RSPH1: variants seen among roughly 807,000 people sequenced by gnomAD.
The protein encoded by RSPH1 is radial spoke head component 1, also known as radial spoke head 1 homolog.
A neutral mutation model predicts 44.2 loss-of-function variants in RSPH1; 32 were observed. The observed-to-expected ratio is 0.72, with a 90% CI of 0.55 to 0.97. The LOEUF (loss-of-function observed/expected upper bound fraction) is 0.97, where lower values mean the gene tolerates loss of function less well. Among genes scored for constraint, RSPH1 ranks in the 50% least tolerant of loss-of-function variants. The pLI, the probability that RSPH1 is intolerant of heterozygous loss-of-function variation, is 0.00. For synonymous variants in RSPH1, 134 were observed against 147.3 expected (o/e 0.91, Z 0.65); for missense variants, 391 against 398.7 (o/e 0.98, Z 0.16).
intron 8 of RSPH1, 112 bp downstream of exon 8, chr21:42,475,786 C>G: frequency 1.6e-6 from 2 of 1,258,068 alleles, no homozygotes; most frequent in South Asian, 1.5e-5. Flanking sequence ...AAGCCTTCCT[C>G]GAGTCCCTGG....
chr21:42,492,384 G>A (rs1476202224), intron 3 of RSPH1, among the ~76,000 whole-genome samples: 3 of 152,220 alleles, frequency 2.0e-5, no homozygotes, highest in Non-Finnish European at 2.9e-5. Context: ...GTCAGATGGC[G>A]GGGTTGGTCA....
chr21:42,480,640 CA>C (rs780506820), intron 6 of RSPH1, among the ~76,000 whole-genome samples: 3,395 of 38,624 alleles, frequency 0.088, 36 homozygotes, highest in African/African-American at 0.29. Context: ...AACTCCATCT[CA>C]AAAAAAAAAA....
intron 4 of RSPH1, 140 bp from the exon 5 acceptor site, chr21:42,485,944 G>T (rs964193630): frequency 4.7e-6 from 5 of 1,054,344 alleles, no homozygotes; most frequent in African/African-American, 4.7e-5. Flanking sequence ...TCTGTGTCCA[G>T]TCAGAAGGTG....
chr21:42,483,197 C>A (rs1204946276), intron 5 of RSPH1, among the ~76,000 whole-genome samples: 1 of 151,612 alleles, frequency 6.6e-6, no homozygotes, highest in Non-Finnish European at 1.5e-5. Flanking sequence ...GGATTGCAAC[C>A]TATTTTACTC....
intron 6 of RSPH1, 138 bp downstream of exon 6, chr21:42,482,499 T>C: frequency 1.6e-6 from 1 of 619,946 alleles, no homozygotes; most frequent in Non-Finnish European, 2.9e-6. Flanking sequence ...CACATGCAGA[T>C]AAGGAAAATG....
At chr21:42,477,650 G>C (rs923353556) in intron 6 of RSPH1, among the ~76,000 whole-genome samples, 19 of 152,170 alleles carry the variant, frequency 1.2e-4, no homozygotes, top group African/African-American at 4.1e-4. Context: ...AAGAGCCAGG[G>C]TGAGGAATAA....
In RSPH1 at chr21:42,477,463, T is replaced by G. The variant is rs781423375; in HGVS notation, c.574-19A>C. Reference sequence around the variant, plus strand: ...CTCTTTCCTATTTTAAGTGCAAAAATGTACATTTACCAACATTTGTGTCAT... The same window carrying G: ...CTCTTTCCTATTTTAAGTGCAAAAAGGTACATTTACCAACATTTGTGTCAT... On this transcript the variant is annotated intron_variant, in intron 6 of 8. Coordinates refer to ENST00000291536, the MANE Select transcript of RSPH1 (RefSeq NM_080860.4). The G allele has an allele frequency of 1.9e-5, 31 of 1,612,344 alleles. No individual in the cohort carries two copies. In the South Asian group the frequency reaches 3.2e-4, roughly 17 times the overall value.
chr21:42,487,713 G>A (rs1303024916), intron 3 of RSPH1, among the ~76,000 whole-genome samples: 1 of 151,780 alleles, frequency 6.6e-6, no homozygotes, highest in African/African-American at 2.4e-5. Flanking sequence ...TAAGCTTCTG[G>A]CTTACACAAA....
At chr21:42,484,401 T>C (rs1007491752) in intron 5 of RSPH1, among the ~76,000 whole-genome samples, 1 of 152,206 alleles carries the variant, frequency 6.6e-6, no homozygotes, top group African/African-American at 2.4e-5. Flanking sequence ...GTCCCAAATG[T>C]GCAAAATGAC....
At chr21:42,491,641 C>A (rs1258552798) in intron 3 of RSPH1, among the ~76,000 whole-genome samples, 1 of 152,092 alleles carries the variant, frequency 6.6e-6, no homozygotes, top group Non-Finnish European at 1.5e-5. Context: ...TGAAACAAAA[C>A]AAAACAATTT....
intron 6 of RSPH1, among the ~76,000 whole-genome samples, chr21:42,478,050 G>C (rs1366567631): frequency 6.6e-6 from 1 of 152,202 alleles, no homozygotes; most frequent in African/African-American, 2.4e-5. Flanking sequence ...TTCAAGGAAA[G>C]CAGAATGAGA....
Position 42,477,569 on chromosome 21 carries a change from G to C in RSPH1, c.574-125C>G, listed in dbSNP as rs2054081633. Reference sequence around the variant, plus strand: ...TTGGCTTGTGTTTCAGCCTTTTTAGGACGTCACTCAGGAATCAGACCAGTT... The same window carrying C: ...TTGGCTTGTGTTTCAGCCTTTTTAGCACGTCACTCAGGAATCAGACCAGTT... On this transcript the variant is annotated intron_variant, in intron 6 of 8. Coordinates refer to ENST00000291536, the MANE Select transcript of RSPH1 (RefSeq NM_080860.4). The C allele has an allele frequency of 4.3e-6, 4 of 933,250 alleles. No individual in the cohort carries two copies. In the Admixed American group the frequency reaches 8.3e-5, roughly 19 times the overall value. The allele number at this position is 933,250 out of a possible 1,614,324, so 57.8% of individuals were successfully genotyped here.
Position 42,474,396 on chromosome 21 carries a change from T to C in RSPH1, c.877+1502A>G, listed in dbSNP as rs1042648722. ...GTCATCACCTCTCCTGGGTACATGG[T>C]AACACGTCCCTGTCACTGCAGGGAA... On this transcript the variant is annotated intron_variant, in intron 8 of 8. Coordinates refer to ENST00000291536, the MANE Select transcript of RSPH1 (RefSeq NM_080860.4). This position sits in a 1 kb window ranked among gnomAD's most constrained non-coding sequence, Gnocchi z 5.2. Among the ~76,000 whole-genome samples the C allele has an allele frequency of 2.0e-5, 3 of 151,554 alleles. No homozygotes were observed. The highest frequency in any genetic ancestry group is 4.4e-5 in the Non-Finnish European group (3 of 68,022).
intron 7 of RSPH1, among the ~76,000 whole-genome samples, chr21:42,476,725 G>A (rs1454400018): frequency 2.0e-5 from 3 of 152,044 alleles, no homozygotes; most frequent in African/African-American, 7.2e-5. Flanking sequence ...ACGCCACAGT[G>A]CTCCCCATGG....
chr21:42,482,608 A>C, intron 6 of RSPH1, 29 bp downstream of exon 6: 1 of 1,554,978 alleles, frequency 6.4e-7, no homozygotes, highest in South Asian at 1.1e-5. Flanking sequence ...CTGTTAATGT[A>C]ACAAAACCCT....
intron 3 of RSPH1, 89 bp from the exon 4 acceptor site, chr21:42,486,550 G>T: frequency 1.1e-6 from 1 of 945,542 alleles, no homozygotes. Context: ...CATGGCAAAG[G>T]CAGATGTGTT....
At chr21:42,492,460 C>T (rs2054245345) in intron 3 of RSPH1, among the ~76,000 whole-genome samples, 1 of 152,238 alleles carries the variant, frequency 6.6e-6, no homozygotes, top group Non-Finnish European at 1.5e-5. Context: ...GCCGTGGGTC[C>T]ACCAGCTGCG....
intron 7 of RSPH1, among the ~76,000 whole-genome samples, chr21:42,476,771 C>A (rs778655663): frequency 6.6e-6 from 1 of 152,164 alleles, no homozygotes; most frequent in African/African-American, 2.4e-5. Flanking sequence ...ACCTCCGCCT[C>A]TGTCCAATCA....
intron 1 of RSPH1, 73 bp from the exon 2 acceptor site, chr21:42,493,152 A>C: frequency 8.1e-7 from 1 of 1,237,674 alleles, no homozygotes; most frequent in Non-Finnish European, 1.2e-6. Context: ...CATTTTGTAA[A>C]TATCATACCC....
Sources: gnomAD v4.1 joint callset for allele counts (sites outside exome capture counted in the v4.1 genomes callset) on GRCh38, gnomAD v4.1.1 for gene constraint, Gnocchi (gnomAD v3.1) non-coding constraint, MANE v1.5 for transcripts, NCBI Gene and HGNC (gene_info 2026-07-23, HGNC 2026-07-21) for gene names.